Variants in FLT1 observed in about 807,000 individuals in gnomAD.
FLT1 encodes the protein vascular endothelial growth factor receptor 1.
Under a neutral mutation model 156.3 loss-of-function variants are expected in FLT1, and 49 were observed. The observed-to-expected ratio is 0.31, with a 90% CI of 0.25 to 0.40. The LOEUF is 0.40. FLT1 is among the 10% of genes least tolerant of loss of function. FLT1 has a pLI of 1.00. For synonymous variants in FLT1, 594 were observed against 583.8 expected, an observed-to-expected ratio of 1.02 and a Z score of -0.25; for missense variants, 1,322 against 1,637.2, an observed-to-expected ratio of 0.81 and a Z score of 3.32.
intron 10 of FLT1, 119 bp from the exon 11 acceptor site, chr13:28,406,013 A>AG (rs5802481): frequency 0.98 from 695,395 of 709,074 alleles, 341,418 homozygotes; most frequent in East Asian, 1. Flanking sequence ...TTTATGTGTG[A>AG]TCTTCTTTTC....
chr13:28,435,780 C>T (rs141238559), intron 4 of FLT1, among the ~76,000 whole-genome samples: 81 of 152,306 alleles, frequency 5.3e-4, no homozygotes, highest in African/African-American at 1.7e-3. Context: ...AAATTAATTA[C>T]ATCCTGTTTA....
rs190734809 is a variant in FLT1, at chr13:28,414,636, C to T, written c.1437-8742G>A. Among the ~76,000 whole-genome samples, 6 of 152,308 alleles carry T rather than the reference C, an allele frequency of 3.9e-5. No homozygotes were observed. The South Asian group carries it at 1.0e-3, about 26-fold the overall frequency. On this transcript the variant is annotated intron_variant, in intron 10 of 29. Coordinates refer to ENST00000282397, the MANE Select transcript of FLT1 (RefSeq NM_002019.4). ...ATCTGATTTCATCGAGAGCTACTTA[C>T]GTATGGACAGGGACTATATTTTGTT...
rs374468544 is a variant in FLT1 at position 28,339,221 on chromosome 13, C to T, written c.2435G>A (p.Arg812Gln). Residue 812 changes from arginine to glutamine, a missense_variant, in exon 17 of 30, where the codon CGG becomes CAG. This residue lies in a region of FLT1 where 991 missense variants were observed against 1,254.8 expected (regional missense o/e 0.79). Transcript: ENST00000282397. ...DEVPLDEQCE[R>Q]LPYDASKWEF... ...CCACTTGCTGGCATCATAAGGGAGC[C>T]GCTCACACTGCTCATCCAAAGGAAC... is the stretch of plus-strand genomic sequence containing the variant. 2.4e-5 allele frequency: 39 copies of T among 1,613,960 alleles called. No individual in the cohort carries two copies. The highest frequency in any genetic ancestry group is 4.5e-5 in the East Asian group (2 of 44,902).
chr13:28,342,912 A>G (rs1233466822), intron 16 of FLT1, among the ~76,000 whole-genome samples: 1 of 151,984 alleles, frequency 6.6e-6, no homozygotes. Context: ...GACTCTAATC[A>G]TTTAGCCAGA....
chr13:28,341,882 G>A (rs1048537625), intron 16 of FLT1, among the ~76,000 whole-genome samples: 3 of 151,908 alleles, frequency 2.0e-5, no homozygotes, highest in Non-Finnish European at 4.4e-5. Flanking sequence ...TTTTATTTTT[G>A]TTATTTTTTA....
intron 15 of FLT1, among the ~76,000 whole-genome samples, chr13:28,349,323 C>T (rs1158765799): frequency 6.6e-6 from 1 of 152,096 alleles, no homozygotes; most frequent in Non-Finnish European, 1.5e-5. Context: ...ATAACCTTTT[C>T]TCTCACTACA....
intron 10 of FLT1, among the ~76,000 whole-genome samples, chr13:28,419,874 G>A (rs188822229): frequency 2.6e-4 from 40 of 152,298 alleles, no homozygotes; most frequent in African/African-American, 6.7e-4. Context: ...GCAAGACTCC[G>A]TCTCAAAACA....
intron 11 of FLT1, among the ~76,000 whole-genome samples, chr13:28,404,108 T>C (rs1875637968): frequency 1.3e-5 from 2 of 152,078 alleles, no homozygotes; most frequent in South Asian, 4.1e-4. Context: ...TATAACTTCC[T>C]CTAAGTATTT....
chr13:28,431,104 A>C, intron 7 of FLT1, 32 bp downstream of exon 7: 2 of 1,570,894 alleles, frequency 1.3e-6, no homozygotes, highest in East Asian at 2.2e-5. Context: ...TAGAAAGCAT[A>C]GCATGAGTTG....
intron 1 of FLT1, among the ~76,000 whole-genome samples, chr13:28,469,985 C>T (rs1284777935): frequency 6.6e-6 from 1 of 152,098 alleles, no homozygotes; most frequent in Non-Finnish European, 1.5e-5. Flanking sequence ...AACTCCTGAC[C>T]TCAGGTGATC....
intron 27 of FLT1, among the ~76,000 whole-genome samples, chr13:28,310,352 G>A (rs763387055): frequency 6.6e-6 from 1 of 152,198 alleles, no homozygotes. Context: ...CGGGTACAGG[G>A]AGGGAGGGTC....
intron 14 of FLT1, among the ~76,000 whole-genome samples, chr13:28,371,983 A>T (rs184602364): frequency 1.4e-5 from 2 of 139,992 alleles, no homozygotes; most frequent in African/African-American, 5.5e-5. Flanking sequence ...CACAAGGTTG[A>T]CTGTCAGTGA....
rs1181644617 is a variant in FLT1 at position 28,339,227 on chromosome 13, C to T, written c.2429G>A (p.Cys810Tyr). 1.2e-6 allele frequency: 2 copies of T among 1,614,158 alleles called. No individual in the cohort carries two copies. Among genetic ancestry groups the T allele is most frequent in the Admixed American group, 3.3e-5 (2 of 60,026 alleles). Reference sequence around the variant, plus strand: ...GCTGGCATCATAAGGGAGCCGCTCACACTGCTCATCCAAAGGAACTTCATC... The same window carrying T: ...GCTGGCATCATAAGGGAGCCGCTCATACTGCTCATCCAAAGGAACTTCATC... ...DPDEVPLDEQ[C>Y]ERLPYDASKW... Residue 810 changes from cysteine (C) to tyrosine (Y), a missense_variant, in exon 17 of 30, where the codon TGT (cysteine) becomes TAT (tyrosine). Cys to Tyr is a radical substitution (Grantham distance 194). Around this residue, in one of 3 missense-constraint regions of FLT1, gnomAD observed 991 missense variants for 1,254.8 expected, o/e 0.79. Coordinates refer to ENST00000282397, the MANE Select transcript of FLT1 (RefSeq NM_002019.4).
chr13:28,482,305 G>T (rs968055265), intron 1 of FLT1, among the ~76,000 whole-genome samples: 13 of 152,078 alleles, frequency 8.5e-5, no homozygotes, highest in Admixed American at 7.2e-4. Context: ...CAGCGTGGCG[G>T]TGCATGCCTG....
At chr13:28,343,716 T>C (rs553894523) in intron 16 of FLT1, among the ~76,000 whole-genome samples, 1 of 151,428 alleles carries the variant, frequency 6.6e-6, no homozygotes, top group Non-Finnish European at 1.5e-5. Context: ...GATCTTGGCT[T>C]ACTGCAAGCT....
chr13:28,387,698 T>C, intron 13 of FLT1: 1 of 1,062,682 alleles, frequency 9.4e-7, no homozygotes, highest in Non-Finnish European at 1.1e-6. Flanking sequence ...GGCTCCTTTT[T>C]TCTCCTTTTT....
At chr13:28,430,674 G>T (rs1287673151) in intron 7 of FLT1, among the ~76,000 whole-genome samples, 3 of 152,138 alleles carry the variant, frequency 2.0e-5, no homozygotes, top group Non-Finnish European at 2.9e-5. Flanking sequence ...TATAGAATTT[G>T]CATACTGAAA....
intron 1 of FLT1, among the ~76,000 whole-genome samples, chr13:28,478,935 T>C (rs531154130): frequency 6.6e-6 from 1 of 152,312 alleles, no homozygotes; most frequent in African/African-American, 2.4e-5. Flanking sequence ...TACCATTTGC[T>C]TTGTATATAA....
chr13:28,382,410 G>A (rs1202766996), intron 14 of FLT1, among the ~76,000 whole-genome samples: 2 of 152,210 alleles, frequency 1.3e-5, no homozygotes, highest in East Asian at 1.9e-4. Context: ...TGAGCATAAC[G>A]TCGTAGGAGT....
Sources: allele counts gnomAD v4.1 joint callset (sites outside exome capture counted in the v4.1 genomes callset), GRCh38; gene constraint gnomAD v4.1.1; regional missense constraint gnomAD v4.1.1; transcripts MANE v1.5; gene names NCBI Gene and HGNC (gene_info 2026-07-23, HGNC 2026-07-21).